The following ZBTB26 variants were observed in gnomAD, a reference collection of about 807,000 sequenced individuals.
The protein encoded by ZBTB26 is zinc finger and BTB domain-containing protein 26.
Under a neutral mutation model 31.6 loss-of-function variants are expected in ZBTB26, and 12 were observed. That is an observed-to-expected ratio of 0.38 (90% CI 0.24 to 0.61). The LOEUF (loss-of-function observed/expected upper bound fraction) is 0.61, where lower values mean the gene tolerates loss of function less well. Among genes scored for constraint, ZBTB26 ranks in the 20% least tolerant of loss-of-function variants. The probability of loss-of-function intolerance (pLI) is 0.60; values close to 1 mark genes in which losing one functional copy is unlikely to be tolerated. For missense variants in ZBTB26, 311 were observed against 521.9 expected (o/e 0.60, Z 3.94); for synonymous variants, 155 against 182.9 (o/e 0.85, Z 1.23).
rs1428112111 is a variant in ZBTB26, at chr9:122,919,332, G to A, written c.603C>T (p.Asn201=). The change falls in exon 2 of 2, where the codon AAC becomes AAT. Residue 201 remains asparagine (N), a synonymous_variant. Transcript: ENST00000373656. This position sits in a 1 kb window ranked among gnomAD's most constrained non-coding sequence, Gnocchi z 6.1. ...CAGTGGGTTCAGAAGAAATAAACTG[G>A]TTCTGATCTTTTTTACTTCTAACCT... ...VSEVRSKKDQ[N]QFISSEPTAL... The A allele has an allele frequency of 6.2e-7, 1 of 1,614,188 alleles. No homozygotes were observed. Among genetic ancestry groups the A allele is most frequent in the South Asian group, 1.1e-5 (1 of 91,086 alleles).
At position 122,918,509 on chromosome 9, in the gene ZBTB26, A is replaced by C; in HGVS notation, c.*100T>G. 6.6e-7 allele frequency: 1 copy of C among 1,508,802 alleles called. No individual in the cohort carries two copies. Among genetic ancestry groups the C allele is most frequent in the Non-Finnish European group, 8.8e-7 (1 of 1,133,822 alleles). The allele number at this position is 1,508,802 out of a possible 1,614,324, so 93.5% of individuals were successfully genotyped here. A position where few individuals can be genotyped will look rare whatever the true frequency, so the allele number is the denominator to read the frequency against. ...TTGACTCACTCCCTACCACCTACAC[A>C]GAGGCTTTGGAGAAGTCAAACTAGC... On this transcript the variant is annotated 3_prime_UTR_variant, in exon 2 of 2. Transcript: ENST00000373656.
chr9:122,925,712 C>T (rs1355687990), intron 1 of ZBTB26, among the ~76,000 whole-genome samples: 2 of 151,916 alleles, frequency 1.3e-5, no homozygotes, highest in Non-Finnish European at 2.9e-5. Flanking sequence ...GATTCTCCTG[C>T]CTCAGCCTCC....
intron 1 of ZBTB26, among the ~76,000 whole-genome samples, chr9:122,927,047 T>G (rs982600034): frequency 6.6e-6 from 1 of 152,196 alleles, no homozygotes; most frequent in African/African-American, 2.4e-5. Flanking sequence ...GTCATCATAT[T>G]TTGTTGATTC....
At chr9:122,927,210 C>A (rs1564337326) in intron 1 of ZBTB26, among the ~76,000 whole-genome samples, 1 of 152,162 alleles carries the variant, frequency 6.6e-6, no homozygotes, top group African/African-American at 2.4e-5. Context: ...TCTCAAACAT[C>A]AATGTAATGG....
chr9:122,931,151 T>C (rs1391046933), intron 1 of ZBTB26: 1 of 152,376 alleles, frequency 6.6e-6, no homozygotes, highest in East Asian at 1.9e-4. Context: ...TGGCACTTCT[T>C]ATAAGATGCC....
Position 122,919,352 on chromosome 9 carries a change from T to G in ZBTB26, c.583A>C (p.Arg195=). 6.2e-7 allele frequency: 1 copy of G among 1,614,232 alleles called. No homozygotes were observed. Among genetic ancestry groups the G allele is most frequent in the Non-Finnish European group, 8.5e-7 (1 of 1,180,028 alleles). The change falls in exon 2 of 2, where the codon AGA becomes CGA. Residue 195 remains arginine, a synonymous_variant. Transcript: ENST00000373656. This position sits in a 1 kb window ranked among gnomAD's most constrained non-coding sequence, Gnocchi z 6.1. The part of the protein sequence containing the change: ...VESIGDVSEV[R]SKKDQNQFIS... ...AACTGGTTCTGATCTTTTTTACTTCTAACCTCTGATACATCCCCAATAGAT... is the reference window on the plus strand; with the variant it reads ...AACTGGTTCTGATCTTTTTTACTTCGAACCTCTGATACATCCCCAATAGAT...
At chr9:122,923,768 C>T (rs981367498) in intron 1 of ZBTB26, among the ~76,000 whole-genome samples, 1 of 152,140 alleles carries the variant, frequency 6.6e-6, no homozygotes, top group African/African-American at 2.4e-5. Flanking sequence ...GACAATTGTT[C>T]CTTGCTCTAA....
chr9:122,924,615 C>CTTTTTTTT lies in ZBTB26; in HGVS notation c.-10-4672_-10-4671insAAAAAAAA, dbSNP rs1554778683. On this transcript the variant is annotated intron_variant, in intron 1 of 1. Transcript: ENST00000373656. ...TTGGCAATATAAAACCAAATTTCAA[C>CTTTTTTTT]TTTCTTTTTTTTTTTTTTTTTTGAG... 2.1e-4 allele frequency among the ~76,000 whole-genome samples: 2 copies of CTTTTTTTT among 9,366 alleles called. 1 individual carries two copies. The allele number at this position is 9,366 out of a possible 152,430, so 6.1% of individuals were successfully genotyped here. A position where few individuals can be genotyped will look rare whatever the true frequency, so the allele number is the denominator to read the frequency against.
intron 1 of ZBTB26, among the ~76,000 whole-genome samples, chr9:122,920,445 G>A (rs1833078156): frequency 6.6e-6 from 1 of 152,166 alleles, no homozygotes; most frequent in Non-Finnish European, 1.5e-5. Context: ...AGTAAAAACT[G>A]GTCTCTGAAG....
In ZBTB26 at chr9:122,916,278, A is replaced by G. The variant is rs1182518683; in HGVS notation, c.*2331T>C. 6.6e-6 allele frequency: 1 copy of G among 152,242 alleles called. No homozygotes were observed. Among genetic ancestry groups the G allele is most frequent in the Non-Finnish European group, 1.5e-5 (1 of 68,040 alleles). The allele number at this position is 152,242 out of a possible 1,614,324, so 9.4% of individuals were successfully genotyped here. A position where few individuals can be genotyped will look rare whatever the true frequency, so the allele number is the denominator to read the frequency against. The stretch of plus-strand genomic sequence containing the variant: ...TTTATTATTTCTAGTATAAAAGCAA[A>G]TTGAGACTTTGTTTCACTAAGACCA... On this transcript the variant is annotated 3_prime_UTR_variant, in exon 2 of 2. Coordinates refer to ENST00000373656, the MANE Select transcript of ZBTB26 (RefSeq NM_020924.4).
rs1429887973 is a variant in ZBTB26, at chr9:122,917,762, C to T, written c.*847G>A. The T allele has an allele frequency of 6.6e-6, 1 of 152,154 alleles. No homozygotes were observed. The allele number at this position is 152,154 out of a possible 1,614,324, so 9.4% of individuals were successfully genotyped here. A position where few individuals can be genotyped will look rare whatever the true frequency, so the allele number is the denominator to read the frequency against. ...CCAAATAGCCTCTTTTTAGAGAGCCCACTATACTTTAGCACATTTTTAGCG... is the reference window on the plus strand; with the variant it reads ...CCAAATAGCCTCTTTTTAGAGAGCCTACTATACTTTAGCACATTTTTAGCG... On this transcript the variant is annotated 3_prime_UTR_variant, in exon 2 of 2. Coordinates refer to ENST00000373656, the MANE Select transcript of ZBTB26 (RefSeq NM_020924.4).
intron 1 of ZBTB26, among the ~76,000 whole-genome samples, chr9:122,922,404 T>G (rs1358461318): frequency 1.3e-5 from 2 of 152,192 alleles, no homozygotes; most frequent in African/African-American, 4.8e-5. Context: ...TATTAAATAC[T>G]TATTCCTTCC....
At chr9:122,923,378 G>A (rs957807915) in intron 1 of ZBTB26, among the ~76,000 whole-genome samples, 3 of 152,160 alleles carry the variant, frequency 2.0e-5, no homozygotes, top group African/African-American at 7.2e-5. Context: ...GAGGAGCGAT[G>A]TAGACAAGCA....
intron 1 of ZBTB26, among the ~76,000 whole-genome samples, chr9:122,924,733 G>A (rs1391641515): frequency 6.7e-6 from 1 of 149,810 alleles, no homozygotes; most frequent in African/African-American, 2.5e-5. Context: ...TCAAACAATC[G>A]TCCTGCCTCA....
chr9:122,924,060 C>G (rs1588130901), intron 1 of ZBTB26, among the ~76,000 whole-genome samples: 1 of 152,302 alleles, frequency 6.6e-6, no homozygotes, highest in African/African-American at 2.4e-5. Context: ...TAAGTATACT[C>G]CGTGATATTC....
intron 1 of ZBTB26, among the ~76,000 whole-genome samples, chr9:122,927,854 G>C (rs1487433498): frequency 1.3e-5 from 2 of 151,714 alleles, no homozygotes; most frequent in African/African-American, 4.8e-5. Flanking sequence ...ATTATTTTTT[G>C]AAACGGAGTC....
chr9:122,930,473 C>T (rs1248990095), intron 1 of ZBTB26, among the ~76,000 whole-genome samples: 1 of 152,202 alleles, frequency 6.6e-6, no homozygotes, highest in African/African-American at 2.4e-5. Flanking sequence ...CTCCGATAAG[C>T]GTTCCTAACT....
rs527481521 is a variant in ZBTB26 at position 122,919,800 on chromosome 9, C to T, written c.135G>A (p.Gln45=). 9 of 1,614,064 alleles carry T rather than the reference C, an allele frequency of 5.6e-6. No individual in the cohort carries two copies. The East Asian group carries it at 2.0e-4, about 36-fold the overall frequency. ...VTVLIDDIEV[Q]GHKIVFAAGS... ...CTGCAGCAAACACAATTTTATGTCC[C>T]TGTACCTCAATATCATCTATGAGAA... is the stretch of plus-strand genomic sequence containing the variant. Residue 45 remains glutamine (Q), a synonymous_variant, in exon 2 of 2, where the codon CAG becomes CAA. Transcript: ENST00000373656. The surrounding 1 kb of genome is among the most constrained non-coding windows in gnomAD (Gnocchi z 6.1).
Position 122,919,891 on chromosome 9 carries a change from T to C in ZBTB26, c.44A>G (p.Tyr15Cys). The change falls in exon 2 of 2, where the codon TAT becomes TGT. Residue 15 changes from tyrosine to cysteine, a missense_variant. Physicochemically the swap from Tyr to Cys is radical, Grantham distance 194. Transcript: ENST00000373656. The surrounding 1 kb of genome is among the most constrained non-coding windows in gnomAD (Gnocchi z 6.1). ...CATTTTTTGTAACATTGAATCTCCA[T>C]AATTTTCAAACTTGAAGTGAAGGAG... ...SDLLHFKFENYGDSMLQKMNK... is the reference protein window; with the variant it reads ...SDLLHFKFENCGDSMLQKMNK... 6.2e-7 allele frequency: 1 copy of C among 1,607,548 alleles called. No individual in the cohort carries two copies. Among genetic ancestry groups the C allele is most frequent in the Non-Finnish European group, 8.5e-7 (1 of 1,176,972 alleles).
Sources: gnomAD v4.1 joint callset for allele counts (sites outside exome capture counted in the v4.1 genomes callset) on GRCh38, gnomAD v4.1.1 for gene constraint, Gnocchi (gnomAD v3.1) non-coding constraint, MANE v1.5 for transcripts, NCBI Gene and HGNC (gene_info 2026-07-23, HGNC 2026-07-21) for gene names.